Variants in COL21A1 observed in about 807,000 individuals in gnomAD.
COL21A1 encodes the protein collagen alpha-1(XXI) chain.
COL21A1 carries 149 observed loss-of-function variants against 137.9 expected under a neutral mutation model. The ratio of observed to expected loss-of-function variants is 1.08; its 90% confidence interval spans 0.95 to 1.24. COL21A1 has a LOEUF of 1.24. Ranked by LOEUF, COL21A1 falls within the 50% of genes most tolerant of loss-of-function variation. The probability of loss-of-function intolerance (pLI) is 0.00; values close to 1 mark genes in which losing one functional copy is unlikely to be tolerated. For missense variants in COL21A1, 1,167 were observed against 1,158.4 expected, an observed-to-expected ratio of 1.01 and a Z score of -0.11; for synonymous variants, 456 against 391.5, an observed-to-expected ratio of 1.16 and a Z score of -1.95.
intron 1 of COL21A1, among the ~76,000 whole-genome samples, chr6:56,198,012 C>T (rs937541758): frequency 2.0e-5 from 3 of 151,954 alleles, no homozygotes; most frequent in Non-Finnish European, 4.4e-5. Context: ...CGTATACACA[C>T]TCACACAGGA....
intron 3 of COL21A1, among the ~76,000 whole-genome samples, chr6:56,173,799 C>T (rs773047807): frequency 9.9e-5 from 15 of 152,018 alleles, no homozygotes; most frequent in Non-Finnish European, 1.9e-4. Context: ...AACAGAAGAT[C>T]AATAAGGAAA....
At chr6:56,310,938 G>A (rs1764600293) in intron 1 of COL21A1, among the ~76,000 whole-genome samples, 1 of 152,012 alleles carries the variant, frequency 6.6e-6, no homozygotes, top group Non-Finnish European at 1.5e-5. Flanking sequence ...TACTTGAGTT[G>A]ACATGTAAAC....
At chr6:56,123,678 T>G (rs1305848088) in intron 16 of COL21A1, among the ~76,000 whole-genome samples, 1 of 152,190 alleles carries the variant, frequency 6.6e-6, no homozygotes, top group Non-Finnish European at 1.5e-5. Flanking sequence ...CCACTTACTC[T>G]AATGCTCTCA....
chr6:56,196,321 C>G (rs1046382878), intron 1 of COL21A1, among the ~76,000 whole-genome samples: 1 of 151,988 alleles, frequency 6.6e-6, no homozygotes, highest in South Asian at 2.1e-4. Flanking sequence ...AACAAGGGTG[C>G]CCAGTCTCAC....
intron 1 of COL21A1, among the ~76,000 whole-genome samples, chr6:56,359,510 T>A (rs950116467): frequency 2.0e-5 from 3 of 152,220 alleles, no homozygotes; most frequent in Non-Finnish European, 4.4e-5. Flanking sequence ...TTGGGTTTTT[T>A]TCTGTTTATG....
intron 2 of COL21A1, 150 bp from the exon 3 acceptor site, chr6:56,180,279 A>G (rs190761029): frequency 1.4e-6 from 1 of 698,594 alleles, no homozygotes; most frequent in East Asian, 2.9e-5. Flanking sequence ...CTAACGTGAA[A>G]TATTACAAAA....
chr6:56,337,939 T>G (rs911243900), intron 1 of COL21A1, among the ~76,000 whole-genome samples: 39 of 140,346 alleles, frequency 2.8e-4, no homozygotes, highest in South Asian at 9.6e-4. Context: ...AGAAAAGGGG[T>G]TTTTTTCTTT....
At chr6:56,215,033 T>C (rs138807731) in intron 1 of COL21A1, among the ~76,000 whole-genome samples, 1 of 152,218 alleles carries the variant, frequency 6.6e-6, no homozygotes, top group Non-Finnish European at 1.5e-5. Flanking sequence ...CTAACAATGT[T>C]CACAAATGCT....
intron 1 of COL21A1, among the ~76,000 whole-genome samples, chr6:56,319,500 G>A (rs1764817550): frequency 6.7e-6 from 1 of 150,184 alleles, no homozygotes. Context: ...ACCAGGCCTG[G>A]TTAACTTTTG....
chr6:56,310,483 T>A (rs1764584776), intron 1 of COL21A1, among the ~76,000 whole-genome samples: 1 of 152,186 alleles, frequency 6.6e-6, no homozygotes, highest in African/African-American at 2.4e-5. Context: ...ACCACTGTCT[T>A]AAAGGCATAC....
At chr6:56,307,388 G>A (rs1764489617) in intron 1 of COL21A1, among the ~76,000 whole-genome samples, 1 of 152,210 alleles carries the variant, frequency 6.6e-6, no homozygotes, top group Admixed American at 6.5e-5. Context: ...CAGCTTCCCA[G>A]CTGCTTTGTT....
At chr6:56,370,194 A>G (rs934909469) in intron 1 of COL21A1, among the ~76,000 whole-genome samples, 1 of 152,178 alleles carries the variant, frequency 6.6e-6, no homozygotes, top group Non-Finnish European at 1.5e-5. Flanking sequence ...GTCCTCGCCT[A>G]CATTCACGTT....
At position 56,056,795 on chromosome 6, in the gene COL21A1, C is replaced by T. The variant is rs1323637992; in HGVS notation, c.*862G>A. On this transcript the variant is annotated 3_prime_UTR_variant, in exon 30 of 30. Transcript: ENST00000244728. ...AGTTTTCCTTTTCTTTCAACTAGAG[C>T]ATTAGCTTTATTTCCATTAGCTTTG... 6.6e-6 allele frequency: 1 copy of T among 152,132 alleles called. No homozygotes were observed. The highest frequency in any genetic ancestry group is 2.4e-5 in the African/African-American group (1 of 41,452). The allele number at this position is 152,132 out of a possible 1,614,324, so 9.4% of individuals were successfully genotyped here. A position where few individuals can be genotyped will look rare whatever the true frequency, so the allele number is the denominator to read the frequency against.
chr6:56,333,044 C>G (rs1436171722), intron 1 of COL21A1, among the ~76,000 whole-genome samples: 1 of 152,008 alleles, frequency 6.6e-6, no homozygotes, highest in African/African-American at 2.4e-5. Context: ...TTATCCTGCA[C>G]TTATGCTTCA....
intron 1 of COL21A1, among the ~76,000 whole-genome samples, chr6:56,263,155 G>A (rs1258697600): frequency 6.6e-6 from 1 of 152,150 alleles, no homozygotes; most frequent in Non-Finnish European, 1.5e-5. Context: ...CACAAATACA[G>A]AGTCTAACGC....
chr6:56,164,919 T>C, intron 7 of COL21A1, 97 bp from the exon 8 acceptor site: 6 of 988,634 alleles, frequency 6.1e-6, no homozygotes, highest in Non-Finnish European at 8.7e-6. Context: ...AGATTAGAGA[T>C]ATATGAAGTA....
chr6:56,184,339 A>C (rs1778120887), intron 1 of COL21A1, among the ~76,000 whole-genome samples: 1 of 152,190 alleles, frequency 6.6e-6, no homozygotes, highest in Non-Finnish European at 1.5e-5. Flanking sequence ...TTTAGACAGA[A>C]ATTTTCTGGT....
chr6:56,260,659 T>A (rs6459139), intron 1 of COL21A1, among the ~76,000 whole-genome samples: 3 of 75,636 alleles, frequency 4.0e-5, no homozygotes, highest in Non-Finnish European at 5.4e-5. Context: ...AAGGAAGGAA[T>A]GAAGGAAGGA....
rs190469715 is a variant in COL21A1 at position 56,085,635 on chromosome 6, G to A, written c.1813-8062C>T. On this transcript the variant is annotated intron_variant, in intron 17 of 29. Transcript: ENST00000244728. The stretch of plus-strand genomic sequence containing the variant: ...CTACTGTGTTCATATTCCTCTTTTT[G>A]ATCTACTTGTTTCAAAGTCTCTATA... 4.5e-3 allele frequency among the ~76,000 whole-genome samples: 686 copies of A among 151,816 alleles called. 1 individual carries two copies. Among genetic ancestry groups the A allele is most frequent in the Non-Finnish European group, 7.3e-3 (498 of 67,898 alleles).
Sources: allele counts gnomAD v4.1 joint callset (sites outside exome capture counted in the v4.1 genomes callset), GRCh38; gene constraint gnomAD v4.1.1; transcripts MANE v1.5; gene names NCBI Gene and HGNC (gene_info 2026-07-23, HGNC 2026-07-21).